PHF21A: variants seen among roughly 807,000 people sequenced by gnomAD.
PHF21A encodes BHC80a.
Under a neutral mutation model 82.5 loss-of-function variants are expected in PHF21A, and 11 were observed. That is an observed-to-expected ratio of 0.13 (90% CI 0.08 to 0.22). The LOEUF is 0.22. PHF21A is among the 10% of genes least tolerant of loss of function. PHF21A has a pLI of 1.00. For synonymous variants in PHF21A, 297 were observed against 302.8 expected (o/e 0.98, Z 0.20); for missense variants, 579 against 837.8 (o/e 0.69, Z 3.81).
At chr11:45,971,924 G>C (rs945424501) in intron 7 of PHF21A, among the ~76,000 whole-genome samples, 2 of 16,958 alleles carry the variant, frequency 1.2e-4, no homozygotes, top group African/African-American at 2.4e-4. Flanking sequence ...ACCCTGGAGA[G>C]AAGGAAGGGA....
chr11:45,994,540 C>G (rs1331159124), intron 6 of PHF21A, among the ~76,000 whole-genome samples: 1 of 152,134 alleles, frequency 6.6e-6, no homozygotes, highest in Non-Finnish European at 1.5e-5. Flanking sequence ...GTGTAAGTGA[C>G]GCAGCCATCA....
At chr11:46,054,015 C>T (rs886834554) in intron 6 of PHF21A, among the ~76,000 whole-genome samples, 1 of 152,102 alleles carries the variant, frequency 6.6e-6, no homozygotes, top group Non-Finnish European at 1.5e-5. Flanking sequence ...CACTTCGCCA[C>T]AAGCTTTTTC....
chr11:46,107,571 T>C (rs1434745155), intron 1 of PHF21A, among the ~76,000 whole-genome samples: 2 of 152,260 alleles, frequency 1.3e-5, no homozygotes, highest in African/African-American at 2.4e-5. Context: ...TAGCACTTCG[T>C]GGATCTAAAG....
intron 6 of PHF21A, among the ~76,000 whole-genome samples, chr11:46,011,603 G>A (rs2095415719): frequency 6.6e-6 from 1 of 152,150 alleles, no homozygotes; most frequent in Non-Finnish European, 1.5e-5. Context: ...CCACTTGGTG[G>A]TACTAAGCAC....
chr11:46,014,194 T>C (rs142998426), intron 6 of PHF21A, among the ~76,000 whole-genome samples: 3 of 152,244 alleles, frequency 2.0e-5, no homozygotes, highest in African/African-American at 7.2e-5. Flanking sequence ...TCCCTAGTGT[T>C]TACTGTTCCC....
intron 7 of PHF21A, among the ~76,000 whole-genome samples, chr11:45,977,802 T>G (rs115286836): frequency 6.6e-6 from 1 of 152,080 alleles, no homozygotes; most frequent in East Asian, 1.9e-4. Flanking sequence ...TTTGGTTTTA[T>G]ACAGTATTGG....
chr11:45,950,870 C>T (rs1194004597), intron 11 of PHF21A, among the ~76,000 whole-genome samples: 2 of 152,222 alleles, frequency 1.3e-5, no homozygotes, highest in African/African-American at 4.8e-5. Context: ...CAGTTTCTCA[C>T]ATTTATACTG....
intron 6 of PHF21A, 116 bp downstream of exon 6, chr11:46,076,638 G>A (rs2134985808): frequency 1.3e-6 from 1 of 754,864 alleles, no homozygotes. Flanking sequence ...ACCAAGTCTG[G>A]CTGCCCACAC....
At position 45,966,539 on chromosome 11, in the gene PHF21A, C is replaced by T. The variant is rs527994391; in HGVS notation, c.703-931G>A. Among the ~76,000 whole-genome samples the T allele has an allele frequency of 5.3e-5, 8 of 152,296 alleles. 1 individual carries two copies. In the East Asian group the frequency reaches 1.5e-3, roughly 29 times the overall value. ...GGTCAGCCTTGCTTGGGTTCAAATC[C>T]TAGTTCTACCACTCACTAGCTGTGT... is the stretch of plus-strand genomic sequence containing the variant. On this transcript the variant is annotated intron_variant, in intron 9 of 18. Coordinates refer to ENST00000676320, the MANE Select transcript of PHF21A (RefSeq NM_001352027.3).
intron 10 of PHF21A, among the ~76,000 whole-genome samples, chr11:45,960,299 C>G (rs998873237): frequency 6.6e-6 from 1 of 152,162 alleles, no homozygotes; most frequent in African/African-American, 2.4e-5. Flanking sequence ...TTTCCTAGGT[C>G]TACCAAGAGA....
At chr11:46,038,975 T>C (rs61882545) in intron 6 of PHF21A, among the ~76,000 whole-genome samples, 14,923 of 151,954 alleles carry the variant, frequency 0.098, 899 homozygotes, top group African/African-American at 0.17. Flanking sequence ...GAAAACAGTG[T>C]TATAAAGACC....
rs759639226 is a variant in PHF21A at position 45,979,812 on chromosome 11, T to A, written c.308A>T (p.His103Leu). The A allele has an allele frequency of 6.2e-7, 1 of 1,614,068 alleles. No individual in the cohort carries two copies. The highest frequency in any genetic ancestry group is 8.5e-7 in the Non-Finnish European group (1 of 1,180,010). Residue 103 changes from histidine to leucine, a missense_variant, in exon 7 of 19, where the codon CAC becomes CTC. Physicochemically the swap from His to Leu is moderately conservative, Grantham distance 99. This residue lies in a region of PHF21A where 410 missense variants were observed against 642.1 expected (regional missense o/e 0.64). Coordinates refer to ENST00000676320, the MANE Select transcript of PHF21A (RefSeq NM_001352027.3). ...TGCAGCTGACTGCTGGGCGTGGTGG[T>A]GGTGGTACTGCTGCTGTTGTTGTAG... Reference protein sequence around the residue: ...QQLQQQQQYHHHHAQQSAAAS... With the variant: ...QQLQQQQQYHLHHAQQSAAAS...
intron 6 of PHF21A, among the ~76,000 whole-genome samples, chr11:45,984,696 T>C (rs760438510): frequency 7.9e-5 from 12 of 152,130 alleles, no homozygotes; most frequent in Non-Finnish European, 1.5e-4. Flanking sequence ...TTTATTCCTA[T>C]CAAAAATTGC....
intron 6 of PHF21A, among the ~76,000 whole-genome samples, chr11:46,011,706 T>C (rs889897417): frequency 3.3e-5 from 5 of 152,212 alleles, no homozygotes; most frequent in Non-Finnish European, 7.3e-5. Flanking sequence ...TCAAGCAATG[T>C]ATTTAGCTAA....
At chr11:46,082,552 AAAGG>A (rs1400810134) in intron 4 of PHF21A, among the ~76,000 whole-genome samples, 12 of 152,248 alleles carry the variant, frequency 7.9e-5, no homozygotes, top group African/African-American at 2.9e-4. Context: ...AATGTTGTAT[AAAGG>A]ATGAATATAA....
chr11:45,945,802 C>A, intron 15 of PHF21A, 38 bp downstream of exon 15: 1 of 1,522,270 alleles, frequency 6.6e-7, no homozygotes, highest in South Asian at 1.3e-5. Context: ...CCAATTTAAG[C>A]TCTCAGAAAG....
chr11:45,968,099 T>C (rs533047285), intron 9 of PHF21A, among the ~76,000 whole-genome samples: 3 of 152,222 alleles, frequency 2.0e-5, no homozygotes, highest in Non-Finnish European at 4.4e-5. Context: ...GGATACTCCA[T>C]GTAAAGTGCC....
intron 6 of PHF21A, among the ~76,000 whole-genome samples, chr11:46,027,286 T>C (rs2095766955): frequency 6.6e-6 from 1 of 152,236 alleles, no homozygotes; most frequent in Non-Finnish European, 1.5e-5. Context: ...TTTAAGATTA[T>C]TCACATCAAA....
At chr11:45,934,900 G>A (rs1487652843) in intron 18 of PHF21A, 5 of 370,216 alleles carry the variant, frequency 1.4e-5, no homozygotes, top group Admixed American at 1.3e-4. Flanking sequence ...CCATGGGTAG[G>A]TATGGTGAGG....
Sources: allele counts gnomAD v4.1 joint callset (sites outside exome capture counted in the v4.1 genomes callset), GRCh38; gene constraint gnomAD v4.1.1; regional missense constraint gnomAD v4.1.1; transcripts MANE v1.5; gene names NCBI Gene and HGNC (gene_info 2026-07-23, HGNC 2026-07-21).